The following CDYL2 variants were observed in gnomAD, a reference collection of about 807,000 sequenced individuals.
CDYL2 encodes chromodomain Y like 2.
Under a neutral mutation model 49.4 loss-of-function variants are expected in CDYL2, and 23 were observed. The ratio of observed to expected loss-of-function variants is 0.47; its 90% confidence interval spans 0.34 to 0.66. The LOEUF (loss-of-function observed/expected upper bound fraction) is 0.66. Among genes scored for constraint, CDYL2 ranks in the 30% least tolerant of loss-of-function variants. The pLI is 0.01. For synonymous variants in CDYL2, 360 were observed against 268.8 expected (o/e 1.34, Z -3.32); for missense variants, 678 against 656.4 (o/e 1.03, Z -0.36).
At chr16:80,693,341 A>T (rs1022838820) in intron 1 of CDYL2, among the ~76,000 whole-genome samples, 5 of 152,196 alleles carry the variant, frequency 3.3e-5, no homozygotes, top group Non-Finnish European at 5.9e-5. Flanking sequence ...AAAAGAGGAA[A>T]TATGCATTTC....
intron 1 of CDYL2, among the ~76,000 whole-genome samples, chr16:80,688,182 T>TG (rs1482862517): frequency 1.3e-5 from 2 of 152,192 alleles, no homozygotes; most frequent in Non-Finnish European, 2.9e-5. Flanking sequence ...GGTAGCTTTA[T>TG]GGGGGACATC....
At chr16:80,704,504 G>C (rs939846132) in intron 1 of CDYL2, among the ~76,000 whole-genome samples, 1 of 152,224 alleles carries the variant, frequency 6.6e-6, no homozygotes, top group African/African-American at 2.4e-5. Flanking sequence ...AATACATAAA[G>C]TCACCAACCA....
intron 1 of CDYL2, among the ~76,000 whole-genome samples, chr16:80,743,741 A>T (rs12445147): frequency 6.6e-6 from 1 of 152,092 alleles, no homozygotes; most frequent in African/African-American, 2.4e-5. Context: ...TCTATAATAT[A>T]TATCAGTTCA....
intron 1 of CDYL2, among the ~76,000 whole-genome samples, chr16:80,692,611 C>G (rs1430579614): frequency 2.0e-5 from 3 of 152,200 alleles, no homozygotes; most frequent in African/African-American, 7.2e-5. Flanking sequence ...CTTAAGTAAT[C>G]ATTGTAATTA....
At chr16:80,717,438 G>A (rs543643244) in intron 1 of CDYL2, among the ~76,000 whole-genome samples, 1 of 152,324 alleles carries the variant, frequency 6.6e-6, no homozygotes, top group Non-Finnish European at 1.5e-5. Flanking sequence ...ACAACATACT[G>A]AACACAGCCA....
intron 1 of CDYL2, among the ~76,000 whole-genome samples, chr16:80,797,808 G>A (rs991952047): frequency 6.6e-6 from 1 of 152,058 alleles, no homozygotes; most frequent in South Asian, 2.1e-4. Flanking sequence ...CTTAGTTCAA[G>A]CCACCATCAT....
intron 1 of CDYL2, among the ~76,000 whole-genome samples, chr16:80,757,549 A>ATATATAT (rs1404612062): frequency 5.3e-4 from 78 of 146,440 alleles, no homozygotes; most frequent in African/African-American, 2.0e-3. Context: ...AAAAAAAAAA[A>ATATATAT]AAAAATATAT....
At chr16:80,767,727 G>A (rs1906773142) in intron 1 of CDYL2, among the ~76,000 whole-genome samples, 1 of 152,152 alleles carries the variant, frequency 6.6e-6, no homozygotes, top group African/African-American at 2.4e-5. Context: ...GAATGCAACT[G>A]AAATGCCAGC....
intron 2 of CDYL2, among the ~76,000 whole-genome samples, chr16:80,644,851 T>TCACACCTGTAATCCCA (rs1908263005): frequency 1.3e-5 from 2 of 152,010 alleles, no homozygotes; most frequent in East Asian, 2.0e-4. Flanking sequence ...TACAACCATC[T>TCACACCTGTAATCCCA]GATCTTTGAC....
At position 80,684,852 on chromosome 16, in the gene CDYL2, C is replaced by T. The variant is rs202178136; in HGVS notation, c.302G>A (p.Gly101Glu). ...HRPSDPGKSK[G>E]TSHKRKRINP... ...AATTCGCTTCCGTTTATGGGAGGTCCCCTTGCTCTTTCCAGGATCTGAAGG... is the reference window on the plus strand; with the variant it reads ...AATTCGCTTCCGTTTATGGGAGGTCTCCTTGCTCTTTCCAGGATCTGAAGG... Residue 101 changes from glycine to glutamate, a missense_variant, in exon 2 of 7, where the codon GGG becomes GAG. Gly to Glu is a moderately conservative substitution (Grantham distance 98). Coordinates refer to ENST00000570137, the MANE Select transcript of CDYL2 (RefSeq NM_152342.4). The T allele has an allele frequency of 5.8e-5, 93 of 1,614,006 alleles. No individual in the cohort carries two copies. The highest frequency in any genetic ancestry group is 7.8e-5 in the Non-Finnish European group (92 of 1,180,048).
At chr16:80,629,629 T>C (rs1907462331) in intron 3 of CDYL2, among the ~76,000 whole-genome samples, 1 of 152,204 alleles carries the variant, frequency 6.6e-6, no homozygotes, top group South Asian at 2.1e-4. Flanking sequence ...ATCTCCTGGT[T>C]CTCTGCTGTA....
chr16:80,759,379 G>C (rs1050117048), intron 1 of CDYL2, among the ~76,000 whole-genome samples: 6 of 151,954 alleles, frequency 3.9e-5, no homozygotes, highest in African/African-American at 1.5e-4. Flanking sequence ...TGCACAGAAA[G>C]TCTAGTCCTA....
intron 1 of CDYL2, among the ~76,000 whole-genome samples, chr16:80,757,803 A>T (rs1906366117): frequency 6.6e-6 from 1 of 152,034 alleles, no homozygotes; most frequent in Non-Finnish European, 1.5e-5. Context: ...ACCTAATTAG[A>T]CCTAGGTAAA....
intron 5 of CDYL2, among the ~76,000 whole-genome samples, chr16:80,608,897 C>A (rs111681228): frequency 6.6e-6 from 1 of 152,206 alleles, no homozygotes; most frequent in Non-Finnish European, 1.5e-5. Context: ...TGCTTTCCAG[C>A]TGGGAGAACC....
intron 1 of CDYL2, among the ~76,000 whole-genome samples, chr16:80,722,925 G>A (rs948951099): frequency 4.6e-5 from 7 of 152,354 alleles, no homozygotes; most frequent in Admixed American, 6.5e-5. Context: ...CCCCATAGAA[G>A]AGAAGACTCG....
chr16:80,623,404 TA>T (rs1567544749), intron 3 of CDYL2, among the ~76,000 whole-genome samples: 1 of 151,514 alleles, frequency 6.6e-6, no homozygotes, highest in East Asian at 2.0e-4. Context: ...GCATGGCACA[TA>T]CCCTGCAAGA....
intron 1 of CDYL2, among the ~76,000 whole-genome samples, chr16:80,708,043 A>G (rs756316496): frequency 3.9e-5 from 6 of 152,322 alleles, no homozygotes; most frequent in Non-Finnish European, 7.3e-5. Flanking sequence ...TGGGGCAAAG[A>G]TGATGCCCTT....
At chr16:80,780,174 T>C (rs1182070896) in intron 1 of CDYL2, among the ~76,000 whole-genome samples, 1 of 152,150 alleles carries the variant, frequency 6.6e-6, no homozygotes, top group East Asian at 1.9e-4. Context: ...AGCACTCTGA[T>C]ATTACCATTC....
intron 3 of CDYL2, among the ~76,000 whole-genome samples, chr16:80,629,627 G>A (rs946013951): frequency 6.6e-6 from 1 of 152,162 alleles, no homozygotes; most frequent in African/African-American, 2.4e-5. Context: ...TCATCTCCTG[G>A]TTCTCTGCTG....
Sources: allele counts gnomAD v4.1 joint callset (sites outside exome capture counted in the v4.1 genomes callset), GRCh38; gene constraint gnomAD v4.1.1; transcripts MANE v1.5; gene names NCBI Gene and HGNC (gene_info 2026-07-23, HGNC 2026-07-21).